Variants in DYTN observed in about 807,000 individuals in gnomAD.
DYTN encodes the protein dystrotelin.
Under a neutral mutation model 69.6 loss-of-function variants are expected in DYTN, and 75 were observed. The observed-to-expected ratio is 1.08, with a 90% CI of 0.89 to 1.31. The LOEUF is 1.31. Among genes scored for constraint, DYTN ranks in the 50% most tolerant of loss-of-function variants. The pLI is 0.00. For missense variants in DYTN, 726 were observed against 688.4 expected (o/e 1.05, Z -0.61); for synonymous variants, 252 against 249.1 (o/e 1.01, Z -0.11).
At chr2:206,709,240 G>A (rs1445227046) in intron 2 of DYTN, among the ~76,000 whole-genome samples, 1 of 152,040 alleles carries the variant, frequency 6.6e-6, no homozygotes, top group Non-Finnish European at 1.5e-5. Flanking sequence ...TTGAGCTCAG[G>A]AGTTCAAGAC....
At chr2:206,712,281 A>G (rs1480398201) in intron 1 of DYTN, among the ~76,000 whole-genome samples, 1 of 152,174 alleles carries the variant, frequency 6.6e-6, no homozygotes, top group African/African-American at 2.4e-5. Context: ...GATGCAAACG[A>G]AAGTTTGAAA....
Position 206,651,819 on chromosome 2 carries a change from C to T in DYTN, c.1736G>A (p.Ter579=). Residue 579 remains the stop codon, a stop_retained_variant, in exon 12 of 12, where the codon TGA becomes TAA. Transcript: ENST00000452335. The part of the protein sequence containing the change: ...VDQIALPNLK[*] ...AGGCCTTTGAGCCTGGACTCCATTT[C>T]ACTTCAAATTGGGCAAGGCAATTTG... 6.2e-7 allele frequency: 1 copy of T among 1,613,446 alleles called. No individual in the cohort carries two copies. The highest frequency in any genetic ancestry group is 8.5e-7 in the Non-Finnish European group (1 of 1,179,500).
chr2:206,715,685 A>G lies in DYTN; in HGVS notation c.19+2576T>C, dbSNP rs373055542. Among the ~76,000 whole-genome samples, 5 of 152,340 alleles carry G rather than the reference A, an allele frequency of 3.3e-5. No individual in the cohort carries two copies. In the East Asian group the frequency reaches 9.6e-4, roughly 29 times the overall value. On this transcript the variant is annotated intron_variant, in intron 1 of 11. Transcript: ENST00000452335. ...ATGCAAAAGGAATTTGGAATAATTC[A>G]AAGAGGTTGGCTGGAGAAAGTTCTT... is the stretch of plus-strand genomic sequence containing the variant.
Position 206,694,799 on chromosome 2 carries a change from C to G in DYTN, c.798G>C (p.Gln266His). 3.1e-6 allele frequency: 5 copies of G among 1,610,048 alleles called. No individual in the cohort carries two copies. Among genetic ancestry groups the G allele is most frequent in the Non-Finnish European group, 4.2e-6 (5 of 1,178,874 alleles). Residue 266 changes from glutamine (Q) to histidine (H), a missense_variant, in exon 8 of 12, where the codon CAG (glutamine) becomes CAC (histidine). By Grantham distance (24) the Gln-to-His change is conservative. Transcript: ENST00000452335. ...AGTGCTCAATGACAGGATGAGACTT[C>G]TGATGGGACTTGCTGTGAAGACCAG... is the stretch of plus-strand genomic sequence containing the variant. ...FLSGLHSKSH[Q>H]KSHPVIEHCI...
chr2:206,655,272 G>T, intron 11 of DYTN, among the ~76,000 whole-genome samples: 1 of 146,112 alleles, frequency 6.8e-6, no homozygotes. Context: ...TTGAGACAGA[G>T]TCTTGCTCTG....
At chr2:206,694,922 G>GAATA in intron 7 of DYTN, 45 bp from the exon 8 acceptor site, 6 of 714,034 alleles carry the variant, frequency 8.4e-6, no homozygotes, top group East Asian at 7.9e-5. Context: ...TAGTAGATGA[G>GAATA]AAAAAAAAAA....
At chr2:206,684,740 T>A (rs2105894827) in intron 9 of DYTN, among the ~76,000 whole-genome samples, 1 of 152,340 alleles carries the variant, frequency 6.6e-6, no homozygotes, top group South Asian at 2.1e-4. Context: ...CACCCACCTC[T>A]TCTTCCCCAT....
chr2:206,660,137 A>G (rs17730834), intron 11 of DYTN, among the ~76,000 whole-genome samples: 4,159 of 152,306 alleles, frequency 0.027, 83 homozygotes, highest in South Asian at 0.053. Flanking sequence ...AGCATTAAGT[A>G]AATATTTTGA....
chr2:206,656,442 T>G (rs6749257), intron 11 of DYTN, among the ~76,000 whole-genome samples: 65,369 of 151,926 alleles, frequency 0.43, 15,245 homozygotes, highest in African/African-American at 0.61. Context: ...AGCAACTGTA[T>G]GTATATCTTT....
At chr2:206,671,447 C>T (rs1037160517) in intron 9 of DYTN, among the ~76,000 whole-genome samples, 4 of 152,210 alleles carry the variant, frequency 2.6e-5, no homozygotes, top group Non-Finnish European at 5.9e-5. Context: ...CATTCAAATA[C>T]TTAAACAGCT....
rs544559404 is a variant in DYTN, at chr2:206,672,045, A to G, written c.981-6016T>C. 2.2e-4 allele frequency among the ~76,000 whole-genome samples: 34 copies of G among 152,338 alleles called. No individual in the cohort carries two copies. In the South Asian group the frequency reaches 3.1e-3, roughly 14 times the overall value. On this transcript the variant is annotated intron_variant, in intron 9 of 11. Coordinates refer to ENST00000452335, the MANE Select transcript of DYTN (RefSeq NM_001093730.1). ...GGCAGGTGCATGCGCGTACACACAT[A>G]CACACACACTCACACACTTGAAAAT...
At chr2:206,671,220 A>G (rs187572205) in intron 9 of DYTN, among the ~76,000 whole-genome samples, 16 of 152,232 alleles carry the variant, frequency 1.1e-4, no homozygotes, top group African/African-American at 3.9e-4. Flanking sequence ...CCATTTATAA[A>G]CAGCTGTGGC....
Position 206,694,873 on chromosome 2 carries a change from G to T in DYTN, c.724C>A (p.Arg242Ser). The change falls in exon 8 of 12, where the codon CGC becomes AGC. Residue 242 changes from arginine to serine, a missense_variant. Transcript: ENST00000452335. ...TCAAAGTTGAGACACTTCAGACAGC[G>T]GTATCTGCCAGTTAAAATAGAAGCA... Reference protein sequence around the residue: ...RTFPITGLRYRCLKCLNFDIC... With the variant: ...RTFPITGLRYSCLKCLNFDIC... 6.3e-7 allele frequency: 1 copy of T among 1,583,938 alleles called. No homozygotes were observed. The highest frequency in any genetic ancestry group is 2.3e-5 in the East Asian group (1 of 44,308).
intron 1 of DYTN, among the ~76,000 whole-genome samples, chr2:206,714,121 T>C (rs759646158): frequency 7.9e-5 from 12 of 152,252 alleles, no homozygotes; most frequent in Non-Finnish European, 1.6e-4. Context: ...GCAATGTTTC[T>C]GTGTTCATCT....
chr2:206,690,442 G>A (rs116902758), intron 9 of DYTN, among the ~76,000 whole-genome samples: 1 of 152,338 alleles, frequency 6.6e-6, no homozygotes, highest in East Asian at 1.9e-4. Context: ...AGTTTGTGCA[G>A]AGGAGTGACA....
At chr2:206,670,477 C>T (rs1699618399) in intron 9 of DYTN, 1 of 151,978 alleles carries the variant, frequency 6.6e-6, no homozygotes, top group Non-Finnish European at 1.5e-5. Flanking sequence ...TGCACATACT[C>T]ATGTGGCTCC....
chr2:206,680,365 G>A (rs1223412976), intron 9 of DYTN, among the ~76,000 whole-genome samples: 1 of 152,162 alleles, frequency 6.6e-6, no homozygotes, highest in Non-Finnish European at 1.5e-5. Context: ...GATTATGGGA[G>A]CTACAATTCA....
Position 206,712,064 on chromosome 2 carries a change from T to A in DYTN, c.20-1466A>T, listed in dbSNP as rs533654329. Among the ~76,000 whole-genome samples the A allele has an allele frequency of 2.6e-5, 4 of 152,302 alleles. No homozygotes were observed. In the East Asian group the frequency reaches 7.7e-4, roughly 29 times the overall value. ...AATAGCTTAGTTTATTTTAGGCAGT[T>A]AAAATGGCCTGTTCTAACTGCTTAT... On this transcript the variant is annotated intron_variant, in intron 1 of 11. Coordinates refer to ENST00000452335, the MANE Select transcript of DYTN (RefSeq NM_001093730.1).
chr2:206,669,946 T>C (rs1036940617), intron 9 of DYTN, among the ~76,000 whole-genome samples: 4 of 152,300 alleles, frequency 2.6e-5, no homozygotes, highest in Middle Eastern at 3.4e-3. Flanking sequence ...GGATATTAAG[T>C]ATTGTGCCTG....
Sources: allele counts gnomAD v4.1 joint callset (sites outside exome capture counted in the v4.1 genomes callset), GRCh38; gene constraint gnomAD v4.1.1; transcripts MANE v1.5; gene names NCBI Gene and HGNC (gene_info 2026-07-23, HGNC 2026-07-21).